Variants in CFAP43 observed in about 807,000 individuals in gnomAD.
The protein encoded by CFAP43 is cilia and flagella associated protein 43.
CFAP43 carries 155 observed loss-of-function variants against 218.9 expected under a neutral mutation model. The observed-to-expected ratio is 0.71, with a 90% CI of 0.62 to 0.81. The LOEUF is 0.81. Ranked by LOEUF, CFAP43 falls within the 30% of genes least tolerant of loss-of-function variation. CFAP43 has a pLI of 0.00. For synonymous variants in CFAP43, 645 were observed against 681.3 expected, an observed-to-expected ratio of 0.95 and a Z score of 0.83; for missense variants, 1,778 against 1,954.3, an observed-to-expected ratio of 0.91 and a Z score of 1.70.
intron 3 of CFAP43, among the ~76,000 whole-genome samples, chr10:104,218,347 CA>C (rs68078522): frequency 7.5e-4 from 74 of 98,684 alleles, no homozygotes; most frequent in Admixed American, 1.3e-3. Context: ...GACTGTGTCT[CA>C]AAAAAAAAAA....
intron 23 of CFAP43, among the ~76,000 whole-genome samples, chr10:104,164,818 C>G (rs1049870207): frequency 6.6e-6 from 1 of 152,210 alleles, no homozygotes. Flanking sequence ...AAGGCTACCA[C>G]ATAATTGTTA....
Position 104,196,775 on chromosome 10 carries a change from A to G in CFAP43, c.1293+78T>C. ...TCGGTAACAAGTATTTCTACAGACT[A>G]TTGACATGTGAATATGAAAAAGTAG... On this transcript the variant is annotated intron_variant, in intron 10 of 37. Coordinates refer to ENST00000357060, the MANE Select transcript of CFAP43 (RefSeq NM_025145.7). 18 of 1,215,246 alleles carry G rather than the reference A, an allele frequency of 1.5e-5. No individual in the cohort carries two copies. In the South Asian group the frequency reaches 2.4e-4, roughly 16 times the overall value. 75.3% of individuals were successfully genotyped at this position (1,215,246 alleles called of 1,614,324 possible).
Position 104,230,860 on chromosome 10 carries a change from G to A in CFAP43, c.66-17C>T. On this transcript the variant is annotated splice_polypyrimidine_tract_variant and intron_variant, in intron 1 of 37. Transcript: ENST00000357060. ...TGCACCCATCTTTGGGAAAAGATAT[G>A]TCAACATCAATATAATACATTTCAA... The A allele has an allele frequency of 6.3e-7, 1 of 1,592,228 alleles. No homozygotes were observed. The highest frequency in any genetic ancestry group is 1.1e-5 in the South Asian group (1 of 87,012).
intron 1 of CFAP43, 56 bp downstream of exon 1, chr10:104,232,126 T>G (rs789577): frequency 0.99 from 1,547,958 of 1,559,018 alleles, 768,506 homozygotes; most frequent in East Asian, 1. Flanking sequence ...AGGAGGGGAC[T>G]TGGGGCAGGA....
chr10:104,148,138 G>T, intron 28 of CFAP43, 140 bp from the exon 29 acceptor site: 1 of 436,496 alleles, frequency 2.3e-6, no homozygotes, highest in Admixed American at 4.0e-5. Context: ...AAAGAAAAAG[G>T]GAATACAGCT....
chr10:104,220,329 T>C (rs1278462135), intron 3 of CFAP43, among the ~76,000 whole-genome samples: 2 of 152,138 alleles, frequency 1.3e-5, no homozygotes, highest in Admixed American at 6.5e-5. Flanking sequence ...AGCCACCCAG[T>C]CTGTGGTACT....
intron 34 of CFAP43, among the ~76,000 whole-genome samples, chr10:104,137,773 C>A (rs1164506576): frequency 2.0e-5 from 3 of 152,180 alleles, no homozygotes; most frequent in South Asian, 2.1e-4. Context: ...GGCACTCCAG[C>A]CCAGATGACA....
In CFAP43 at chr10:104,185,102, C is replaced by T. The variant is rs1427267245; in HGVS notation, c.2055G>A (p.Gly685=). ...WCRSHSHQGH[G]IQSMRISMDG... Reference sequence around the variant, plus strand: ...CCATTGAAATTCTCATTGACTGAATCCCATGACCCTGGTGAGAATGACTCC... The same window carrying T: ...CCATTGAAATTCTCATTGACTGAATTCCATGACCCTGGTGAGAATGACTCC... The change falls in exon 16 of 38, where the codon GGG becomes GGA. Residue 685 remains glycine, a synonymous_variant. Transcript: ENST00000357060. 1.2e-6 allele frequency: 2 copies of T among 1,613,964 alleles called. No homozygotes were observed. Among genetic ancestry groups the T allele is most frequent in the Admixed American group, 3.3e-5 (2 of 59,990 alleles).
At chr10:104,222,941 T>G (rs890453003) in intron 3 of CFAP43, among the ~76,000 whole-genome samples, 24 of 152,216 alleles carry the variant, frequency 1.6e-4, no homozygotes, top group African/African-American at 3.9e-4. Context: ...GTTGGCAAGC[T>G]CTTTCTATAA....
chr10:104,214,152 T>C (rs180769139), intron 4 of CFAP43, 107 bp downstream of exon 4: 35 of 1,057,136 alleles, frequency 3.3e-5, no homozygotes, highest in Non-Finnish European at 4.3e-5. Flanking sequence ...TGTGTATGCA[T>C]ATATATGTAT....
chr10:104,230,451 C>T (rs1216558505), intron 2 of CFAP43, 139 bp downstream of exon 2: 3 of 1,155,854 alleles, frequency 2.6e-6, no homozygotes, highest in East Asian at 5.2e-5. Flanking sequence ...GGCAACAGGG[C>T]AAAACTCCAT....
intron 15 of CFAP43, among the ~76,000 whole-genome samples, chr10:104,185,362 T>C (rs1214971436): frequency 1.3e-5 from 2 of 152,296 alleles, no homozygotes; most frequent in East Asian, 3.9e-4. Flanking sequence ...TCCACTACCT[T>C]TGTGTAGTAT....
intron 1 of CFAP43, among the ~76,000 whole-genome samples, chr10:104,231,561 T>G (rs2091448096): frequency 2.0e-5 from 3 of 152,174 alleles, no homozygotes; most frequent in Non-Finnish European, 4.4e-5. Context: ...GGACACTGGT[T>G]TGGTGAGAAA....
chr10:104,162,469 A>C (rs958233751), intron 24 of CFAP43, 66 bp from the exon 25 acceptor site: 1 of 1,356,356 alleles, frequency 7.4e-7, no homozygotes, highest in South Asian at 1.2e-5. Context: ...TTCCTTCCAC[A>C]TACTGGGAGG....
chr10:104,226,565 CAA>C (rs139085332), intron 2 of CFAP43, among the ~76,000 whole-genome samples: 3 of 148,308 alleles, frequency 2.0e-5, no homozygotes, highest in African/African-American at 7.5e-5. Context: ...AAGAAAATGC[CAA>C]AAAAAAAGAG....
intron 21 of CFAP43, among the ~76,000 whole-genome samples, chr10:104,168,479 T>C (rs547092477): frequency 6.6e-6 from 1 of 152,252 alleles, no homozygotes; most frequent in South Asian, 2.1e-4. Context: ...AAGACCCAGA[T>C]GCAGTGGGTG....
At chr10:104,224,378 G>C (rs1005451291) in intron 3 of CFAP43, among the ~76,000 whole-genome samples, 1 of 151,968 alleles carries the variant, frequency 6.6e-6, no homozygotes, top group South Asian at 2.1e-4. Flanking sequence ...ACGGTGATGG[G>C]TTTATACATA....
intron 7 of CFAP43, among the ~76,000 whole-genome samples, chr10:104,205,212 CAAAAAAAAA>C (rs71022723): frequency 3.5e-5 from 2 of 56,552 alleles, no homozygotes; most frequent in East Asian, 1.0e-3. Context: ...GACTCCGTCT[CAAAAAAAAA>C]AAAAAAAAAA....
intron 32 of CFAP43, 59 bp downstream of exon 32, chr10:104,143,364 ATGT>A (rs559513340): frequency 1.9e-4 from 272 of 1,433,350 alleles, no homozygotes; most frequent in Non-Finnish European, 2.5e-4. Flanking sequence ...ACACTGACCA[ATGT>A]AAACTATGTA....
Sources: gnomAD v4.1 joint callset for allele counts (sites outside exome capture counted in the v4.1 genomes callset) on GRCh38, gnomAD v4.1.1 for gene constraint, MANE v1.5 for transcripts, NCBI Gene and HGNC (gene_info 2026-07-23, HGNC 2026-07-21) for gene names.